TMTC2: variants seen among roughly 807,000 people sequenced by gnomAD.
TMTC2 encodes transmembrane O-mannosyltransferase targeting cadherins 2, also known as protein O-mannosyl-transferase TMTC2.
TMTC2 carries 43 observed loss-of-function variants against 82.4 expected under a neutral mutation model. That is an observed-to-expected ratio of 0.52 (90% confidence interval 0.41 to 0.67). TMTC2 has a LOEUF of 0.67. Among genes scored for constraint, TMTC2 ranks in the 30% least tolerant of loss-of-function variants. The pLI is 0.00. For synonymous variants in TMTC2, 408 were observed against 381.9 expected, an observed-to-expected ratio of 1.07 and a Z score of -0.80; for missense variants, 919 against 1,012.4, an observed-to-expected ratio of 0.91 and a Z score of 1.25.
intron 1 of TMTC2, among the ~76,000 whole-genome samples, chr12:82,782,881 C>A (rs548494927): frequency 6.6e-6 from 1 of 152,012 alleles, no homozygotes; most frequent in Non-Finnish European, 1.5e-5. Context: ...ATGAAATTAA[C>A]AAAAATTATT....
intron 2 of TMTC2, among the ~76,000 whole-genome samples, chr12:82,859,279 G>A (rs1565781407): frequency 6.6e-6 from 1 of 152,114 alleles, no homozygotes; most frequent in Non-Finnish European, 1.5e-5. Flanking sequence ...TATTGGCCAG[G>A]ATGGTCTCGA....
chr12:82,933,077 G>A (rs1876130469), intron 4 of TMTC2, among the ~76,000 whole-genome samples: 1 of 152,100 alleles, frequency 6.6e-6, no homozygotes, highest in Admixed American at 6.6e-5. Flanking sequence ...GTTGGAAATA[G>A]GTTATGTCGT....
Position 83,109,131 on chromosome 12 carries a change from T to C in TMTC2, c.2332-23079T>C, listed in dbSNP as rs116472097. Among the ~76,000 whole-genome samples, 739 of 152,222 alleles carry C rather than the reference T, an allele frequency of 4.9e-3. 3 individuals are homozygous for C. Among genetic ancestry groups the C allele is most frequent in the African/African-American group, 0.017 (709 of 41,520 alleles). On this transcript the variant is annotated intron_variant, in intron 11 of 11. Coordinates refer to ENST00000321196, the MANE Select transcript of TMTC2 (RefSeq NM_152588.3). Reference sequence around the variant, plus strand: ...CATTACTAGAAAGAAATACCTGAGATTGGGTAATTTATAAAGAAAAGAGGT... The same window carrying C: ...CATTACTAGAAAGAAATACCTGAGACTGGGTAATTTATAAAGAAAAGAGGT...
At chr12:83,130,769 ATTTG>A (rs1885236410) in intron 11 of TMTC2, among the ~76,000 whole-genome samples, 1 of 152,200 alleles carries the variant, frequency 6.6e-6, no homozygotes, top group South Asian at 2.1e-4. Flanking sequence ...TGCTATGTAT[ATTTG>A]TTTATTTTTT....
In TMTC2 at chr12:82,689,061, C is replaced by T. The variant is rs193177705; in HGVS notation, c.83+1392C>T. On this transcript the variant is annotated intron_variant, in intron 1 of 11. Transcript: ENST00000321196. ...TTTTTCTTAACTTTTACGCAGCATA[C>T]TGATTTTAGCAACTACACAGCATGC... Among the ~76,000 whole-genome samples, 282 of 152,336 alleles carry T rather than the reference C, an allele frequency of 1.9e-3. 1 individual carries two copies. The highest frequency in any genetic ancestry group is 3.1e-3 in the Non-Finnish European group (211 of 68,030).
intron 9 of TMTC2, among the ~76,000 whole-genome samples, chr12:83,037,552 G>T (rs1470415206): frequency 6.6e-6 from 1 of 152,078 alleles, no homozygotes; most frequent in Non-Finnish European, 1.5e-5. Context: ...GCTCTAAGAA[G>T]AGCATCAGCA....
At chr12:83,049,863 T>C (rs578183707) in intron 9 of TMTC2, among the ~76,000 whole-genome samples, 6 of 152,196 alleles carry the variant, frequency 3.9e-5, no homozygotes, top group Non-Finnish European at 7.3e-5. Context: ...TTCTGACTGG[T>C]GTGAGATGGT....
chr12:82,750,241 C>CTT (rs11383480), intron 1 of TMTC2, among the ~76,000 whole-genome samples: 167 of 147,940 alleles, frequency 1.1e-3, no homozygotes, highest in Admixed American at 3.2e-3. Context: ...AAAGTTTAAT[C>CTT]TTTTTTTTTT....
At chr12:82,701,259 A>G (rs1873062481) in intron 1 of TMTC2, among the ~76,000 whole-genome samples, 1 of 152,196 alleles carries the variant, frequency 6.6e-6, no homozygotes, top group African/African-American at 2.4e-5. Flanking sequence ...CTTGGTTTGT[A>G]TTGGAAAAGA....
At chr12:83,076,571 C>A (rs74614411) in intron 11 of TMTC2, among the ~76,000 whole-genome samples, 2,580 of 152,328 alleles carry the variant, frequency 0.017, 59 homozygotes, top group African/African-American at 0.057. Context: ...CTGGGAGTAT[C>A]AGTTTGGGTG....
At chr12:83,042,476 C>A (rs1043702821) in intron 9 of TMTC2, among the ~76,000 whole-genome samples, 2 of 152,128 alleles carry the variant, frequency 1.3e-5, no homozygotes, top group South Asian at 4.1e-4. Flanking sequence ...CCATCATGAA[C>A]TTACTTTCTC....
chr12:82,945,354 G>A (rs1419090819), intron 4 of TMTC2, among the ~76,000 whole-genome samples: 2 of 152,230 alleles, frequency 1.3e-5, no homozygotes, highest in Non-Finnish European at 2.9e-5. Flanking sequence ...ACATTTTTCT[G>A]CAATCTCATT....
chr12:82,898,556 AG>A (rs1007552109), intron 3 of TMTC2, among the ~76,000 whole-genome samples: 2 of 152,192 alleles, frequency 1.3e-5, no homozygotes, highest in Non-Finnish European at 2.9e-5. Context: ...GCAAACACAG[AG>A]CTGATAAGAT....
chr12:82,719,229 G>A (rs929824162), intron 1 of TMTC2, among the ~76,000 whole-genome samples: 1 of 150,910 alleles, frequency 6.6e-6, no homozygotes, highest in African/African-American at 2.4e-5. Flanking sequence ...AAGTAGCTGG[G>A]ATTGCAGGCG....
Position 82,895,831 on chromosome 12 carries a change from C to G in TMTC2, c.668C>G (p.Ser223Trp), listed in dbSNP as rs753154903. The change falls in exon 3 of 12, where the codon TCG becomes TGG. Residue 223 changes from serine to tryptophan, a missense_variant. Physicochemically the swap from Ser to Trp is radical, Grantham distance 177. Coordinates refer to ENST00000321196, the MANE Select transcript of TMTC2 (RefSeq NM_152588.3). Reference protein sequence around the residue: ...LPTIYKRKNLSLFLSISLLIF... With the variant: ...LPTIYKRKNLWLFLSISLLIF... ...TTTTGGTTTCAGAGGAAGAACTTGTCGCTTTTCCTAAGCATTAGTTTGTTA... is the reference window on the plus strand; with the variant it reads ...TTTTGGTTTCAGAGGAAGAACTTGTGGCTTTTCCTAAGCATTAGTTTGTTA... 1 of 1,604,494 alleles carries G rather than the reference C, an allele frequency of 6.2e-7. No homozygotes were observed. Among genetic ancestry groups the G allele is most frequent in the Non-Finnish European group, 8.5e-7 (1 of 1,175,030 alleles).
intron 1 of TMTC2, among the ~76,000 whole-genome samples, chr12:82,764,087 A>G (rs1322917329): frequency 3.9e-4 from 59 of 152,186 alleles, no homozygotes; most frequent in African/African-American, 1.2e-4. Context: ...CTTTACATCA[A>G]TATGGGAAAG....
intron 2 of TMTC2, among the ~76,000 whole-genome samples, chr12:82,866,880 A>C (rs1274167103): frequency 6.6e-6 from 1 of 152,190 alleles, no homozygotes; most frequent in Non-Finnish European, 1.5e-5. Context: ...GTGTAGAAAA[A>C]ACTGACTTAT....
chr12:82,783,352 C>T (rs546968183), intron 1 of TMTC2, among the ~76,000 whole-genome samples: 394 of 149,436 alleles, frequency 2.6e-3, no homozygotes, highest in African/African-American at 9.5e-3. Context: ...TGGCAGACAG[C>T]GTGCTTCTAA....
intron 11 of TMTC2, among the ~76,000 whole-genome samples, chr12:83,115,834 C>G (rs1310998065): frequency 6.6e-6 from 1 of 152,080 alleles, no homozygotes; most frequent in African/African-American, 2.4e-5. Flanking sequence ...GTTGCCCAAG[C>G]TGGAGTGCAG....
Sources: gnomAD v4.1 joint callset for allele counts (sites outside exome capture counted in the v4.1 genomes callset) on GRCh38, gnomAD v4.1.1 for gene constraint, MANE v1.5 for transcripts, NCBI Gene and HGNC (gene_info 2026-07-23, HGNC 2026-07-21) for gene names.